The following KCNK3 variants were observed in gnomAD, a reference collection of about 807,000 sequenced individuals.
KCNK3 encodes potassium channel subfamily K member 3.
In KCNK3, 9 loss-of-function variants were observed where a neutral mutation model predicts 27.3. The ratio of observed to expected loss-of-function variants is 0.33; its 90% CI spans 0.20 to 0.57. KCNK3 has a LOEUF of 0.57. Among genes scored for constraint, KCNK3 ranks in the 20% least tolerant of loss-of-function variants. The pLI is 0.87. For synonymous variants in KCNK3, 278 were observed against 273.8 expected (o/e 1.02, Z -0.15); for missense variants, 391 against 577.7 (o/e 0.68, Z 3.31).
intron 1 of KCNK3, among the ~76,000 whole-genome samples, chr2:26,709,697 G>A (rs951023511): frequency 1.3e-5 from 2 of 152,110 alleles, no homozygotes; most frequent in Admixed American, 6.5e-5. Flanking sequence ...ACCACAGCTC[G>A]CCCTATTTTC....
chr2:26,726,804 G>C (rs1470323502), intron 1 of KCNK3, among the ~76,000 whole-genome samples: 1 of 152,104 alleles, frequency 6.6e-6, no homozygotes, highest in Non-Finnish European at 1.5e-5. Flanking sequence ...GGGGTACAGA[G>C]AGATTATCTG....
At position 26,714,253 on chromosome 2, in the gene KCNK3, G is replaced by A. The variant is rs533125685; in HGVS notation, c.284-13414G>A. 2.6e-5 allele frequency among the ~76,000 whole-genome samples: 4 copies of A among 151,880 alleles called. No individual in the cohort carries two copies. The East Asian group carries it at 7.9e-4, about 30-fold the overall frequency. ...AGATGGGCTCAGAGAGGCAGTGTGG[G>A]TGGAGGGGAAGCAGCAGGCCCAGAA... On this transcript the variant is annotated intron_variant, in intron 1 of 1. Coordinates refer to ENST00000302909, the MANE Select transcript of KCNK3 (RefSeq NM_002246.3).
intron 1 of KCNK3, among the ~76,000 whole-genome samples, chr2:26,710,622 G>A (rs1444520400): frequency 6.6e-6 from 1 of 152,172 alleles, no homozygotes; most frequent in Non-Finnish European, 1.5e-5. Flanking sequence ...GGCCTGTCCA[G>A]CCTGGCTCCC....
rs1044382671 is a variant in KCNK3, at chr2:26,721,460, A to T, written c.284-6207A>T. Among the ~76,000 whole-genome samples the T allele has an allele frequency of 4.6e-5, 7 of 152,120 alleles. No homozygotes were observed. The highest frequency in any genetic ancestry group is 1.7e-4 in the African/African-American group (7 of 41,514). ...CTCCTTCCGCCTCATCTCCTTTAAC[A>T]TGCCAATTAGGCTCCCTCAGAGCCT... On this transcript the variant is annotated intron_variant, in intron 1 of 1. Coordinates refer to ENST00000302909, the MANE Select transcript of KCNK3 (RefSeq NM_002246.3). This position sits in a 1 kb window ranked among gnomAD's most constrained non-coding sequence, Gnocchi z 4.3.
intron 1 of KCNK3, among the ~76,000 whole-genome samples, chr2:26,714,797 A>G (rs886499350): frequency 2.4e-5 from 3 of 122,726 alleles, no homozygotes; most frequent in African/African-American, 7.6e-5. Context: ...GAGGCAGGAG[A>G]ATCACTTGAA....
chr2:26,717,007 T>C (rs577348087), intron 1 of KCNK3, among the ~76,000 whole-genome samples: 2 of 152,218 alleles, frequency 1.3e-5, no homozygotes, highest in Non-Finnish European at 2.9e-5. Flanking sequence ...CCATGGCTTC[T>C]TTCTTGGTTC....
chr2:26,725,905 C>T (rs1200640402), intron 1 of KCNK3, among the ~76,000 whole-genome samples: 1 of 152,158 alleles, frequency 6.6e-6, no homozygotes, highest in African/African-American at 2.4e-5. Flanking sequence ...AGTAATCTGG[C>T]ACTTCACTCA....
intron 1 of KCNK3, among the ~76,000 whole-genome samples, chr2:26,710,665 C>T (rs1663094885): frequency 6.6e-6 from 1 of 152,182 alleles, no homozygotes; most frequent in South Asian, 2.1e-4. Context: ...ATAAAGGAGG[C>T]TGTCTGGGAT....
chr2:26,699,168 ACT>A (rs1234590206), intron 1 of KCNK3, among the ~76,000 whole-genome samples: 2 of 145,478 alleles, frequency 1.4e-5, no homozygotes, highest in African/African-American at 5.4e-5. Context: ...ACACAGCAAG[ACT>A]CCGTCTCAGA....
At chr2:26,711,403 A>G (rs1008191289) in intron 1 of KCNK3, among the ~76,000 whole-genome samples, 2 of 152,186 alleles carry the variant, frequency 1.3e-5, no homozygotes, top group Non-Finnish European at 2.9e-5. Context: ...TCCAAGGCAC[A>G]TCTTTCTCCC....
chr2:26,718,417 A>G (rs1327844951), intron 1 of KCNK3, among the ~76,000 whole-genome samples: 2 of 152,218 alleles, frequency 1.3e-5, no homozygotes, highest in African/African-American at 4.8e-5. Context: ...CGCCAGAAGA[A>G]CTTGTGCTGT....
At chr2:26,716,897 G>A (rs1663240093) in intron 1 of KCNK3, among the ~76,000 whole-genome samples, 1 of 152,210 alleles carries the variant, frequency 6.6e-6, no homozygotes, top group South Asian at 2.1e-4. Context: ...AGTAGGCTTA[G>A]CAAACTAGGG....
At chr2:26,697,624 T>C (rs1670251488) in intron 1 of KCNK3, among the ~76,000 whole-genome samples, 1 of 151,964 alleles carries the variant, frequency 6.6e-6, no homozygotes, top group South Asian at 2.1e-4. Flanking sequence ...GTCACAGCTG[T>C]GCCCAGCACC....
At chr2:26,727,104 C>T (rs187083242) in intron 1 of KCNK3, among the ~76,000 whole-genome samples, 138 of 152,324 alleles carry the variant, frequency 9.1e-4, no homozygotes, top group Non-Finnish European at 1.7e-3. Context: ...AGCGGGGAAT[C>T]CACCAAGAAG....
intron 1 of KCNK3, among the ~76,000 whole-genome samples, chr2:26,696,495 G>A (rs958875258): frequency 6.6e-5 from 10 of 152,178 alleles, no homozygotes; most frequent in Admixed American, 1.3e-4. Flanking sequence ...GGGTGCTCAT[G>A]GGCAGCCCTG....
rs911145189 is a variant in KCNK3 at position 26,729,732 on chromosome 2, A to C, written c.*1164A>C. The C allele has an allele frequency of 6.7e-6, 1 of 149,870 alleles. No individual in the cohort carries two copies. Among genetic ancestry groups the C allele is most frequent in the Non-Finnish European group, 1.5e-5 (1 of 67,780 alleles). 9.3% of individuals were successfully genotyped at this position (149,870 alleles called of 1,614,324 possible). On this transcript the variant is annotated 3_prime_UTR_variant, in exon 2 of 2. Coordinates refer to ENST00000302909, the MANE Select transcript of KCNK3 (RefSeq NM_002246.3). The stretch of plus-strand genomic sequence containing the variant: ...TGCCTGGGAGTCCCAGCGACTTGGG[A>C]GGCTGAGGTGGGAGGATTGTTTGAG...
chr2:26,701,698 T>A (rs1304442337), intron 1 of KCNK3, among the ~76,000 whole-genome samples: 1 of 152,218 alleles, frequency 6.6e-6, no homozygotes, highest in Non-Finnish European at 1.5e-5. Context: ...TCCCAACACT[T>A]TGGAGGCCAA....
At position 26,693,466 on chromosome 2, in the gene KCNK3, T is replaced by C. The variant is rs1670196367; in HGVS notation, c.283+308T>C. On this transcript the variant is annotated intron_variant, in intron 1 of 1. Transcript: ENST00000302909. The surrounding 1 kb of genome is among the most constrained non-coding windows in gnomAD (Gnocchi z 5.5). ...AGGGGCAGGGACGACCGGCGGAGGC[T>C]CGGGCAGGAGGGGTGTGGCCGGGCC... 6.6e-6 allele frequency among the ~76,000 whole-genome samples: 1 copy of C among 152,106 alleles called. No homozygotes were observed. The highest frequency in any genetic ancestry group is 2.4e-5 in the African/African-American group (1 of 41,422).
intron 1 of KCNK3, among the ~76,000 whole-genome samples, chr2:26,713,633 T>A (rs563939882): frequency 2.7e-5 from 4 of 149,056 alleles, no homozygotes; most frequent in South Asian, 4.3e-4. Flanking sequence ...ATACAAAAAA[T>A]TTGCTGGGTG....
Sources: allele counts gnomAD v4.1 joint callset (sites outside exome capture counted in the v4.1 genomes callset), GRCh38; gene constraint gnomAD v4.1.1; non-coding constraint Gnocchi (gnomAD v3.1); transcripts MANE v1.5; gene names NCBI Gene and HGNC (gene_info 2026-07-23, HGNC 2026-07-21).